GTF2IRD1: variants seen among roughly 807,000 people sequenced by gnomAD.
The protein encoded by GTF2IRD1 is GTF2I repeat domain containing 1.
A neutral mutation model predicts 113.2 loss-of-function variants in GTF2IRD1; 26 were observed. The ratio of observed to expected loss-of-function variants is 0.23; its 90% CI spans 0.17 to 0.32. The LOEUF (loss-of-function observed/expected upper bound fraction) is 0.32. Ranked by LOEUF, GTF2IRD1 falls within the 10% of genes least tolerant of loss-of-function variation. The pLI is 1.00. For synonymous variants in GTF2IRD1, 484 were observed against 529.1 expected (o/e 0.91, Z 1.17); for missense variants, 864 against 1,280.8 (o/e 0.67, Z 4.97).
intron 14 of GTF2IRD1, among the ~76,000 whole-genome samples, chr7:74,544,175 G>A (rs1487708954): frequency 6.6e-6 from 1 of 152,088 alleles, no homozygotes. Flanking sequence ...ATTCTCACCT[G>A]GAAGTTTTTT....
chr7:74,519,761 A>G (rs1797157508), intron 6 of GTF2IRD1, 42 bp downstream of exon 6: 2 of 1,416,532 alleles, frequency 1.4e-6, no homozygotes, highest in Non-Finnish European at 9.6e-7. Context: ...GGGGTGGGAC[A>G]GAGGTCACTC....
intron 1 of GTF2IRD1, among the ~76,000 whole-genome samples, chr7:74,500,589 ATGTG>A (rs72168391): frequency 6.6e-6 from 1 of 150,672 alleles, no homozygotes; most frequent in African/African-American, 2.4e-5. Context: ...TTGTTCGTGT[ATGTG>A]TGTGTGTGTG....
At chr7:74,599,012 G>T (rs1276093215) in intron 25 of GTF2IRD1, among the ~76,000 whole-genome samples, 4 of 152,046 alleles carry the variant, frequency 2.6e-5, no homozygotes, top group Admixed American at 1.3e-4. Context: ...CCCTTCCGGT[G>T]GGCTGAGTGC....
chr7:74,551,669 G>A (rs587724677), intron 17 of GTF2IRD1, among the ~76,000 whole-genome samples: 38 of 152,294 alleles, frequency 2.5e-4, no homozygotes, highest in African/African-American at 9.1e-4. Flanking sequence ...CAGGCGTGGT[G>A]GCTCACACCT....
At chr7:74,538,257 C>T (rs1205702211) in intron 12 of GTF2IRD1, 84 bp downstream of exon 12, 7 of 1,354,718 alleles carry the variant, frequency 5.2e-6, no homozygotes, top group African/African-American at 4.3e-5. Flanking sequence ...GGGAGGAGCT[C>T]AACTCAGCCC....
At chr7:74,587,554 C>G (rs1422775531) in intron 22 of GTF2IRD1, among the ~76,000 whole-genome samples, 4 of 152,258 alleles carry the variant, frequency 2.6e-5, no homozygotes, top group African/African-American at 4.8e-5. Flanking sequence ...AGCTCCACCC[C>G]ACAACATCTC....
rs587765296 is a variant in GTF2IRD1, at chr7:74,584,353, G to A, written c.2321-5498G>A. Among the ~76,000 whole-genome samples the A allele has an allele frequency of 1.6e-4, 24 of 152,248 alleles. No individual in the cohort carries two copies. In the South Asian group the frequency reaches 3.3e-3, roughly 21 times the overall value. ...CCAGCTACTCTGGAGGCTGAGGCAC[G>A]AGAATCACTCGAACCCGGTAGGCGG... On this transcript the variant is annotated intron_variant, in intron 22 of 26. Coordinates refer to ENST00000424337, the MANE Select transcript of GTF2IRD1 (RefSeq NM_005685.4).
At chr7:74,504,376 C>T (rs1796193261) in intron 1 of GTF2IRD1, among the ~76,000 whole-genome samples, 1 of 152,198 alleles carries the variant, frequency 6.6e-6, no homozygotes, top group Non-Finnish European at 1.5e-5. Flanking sequence ...TGTGACCAAC[C>T]ATCCTAGGTG....
At chr7:74,551,800 G>C (rs1371894937) in intron 17 of GTF2IRD1, among the ~76,000 whole-genome samples, 4 of 152,114 alleles carry the variant, frequency 2.6e-5, no homozygotes, top group African/African-American at 9.7e-5. Context: ...GCCGGGTGTG[G>C]TGGCGTGTGC....
chr7:74,458,286 T>C (rs913017941), intron 1 of GTF2IRD1, among the ~76,000 whole-genome samples: 1 of 151,718 alleles, frequency 6.6e-6, no homozygotes, highest in South Asian at 2.1e-4. Context: ...GGTGGAGTGG[T>C]GGGAAGGATG....
At chr7:74,502,643 C>T (rs1219871689) in intron 1 of GTF2IRD1, among the ~76,000 whole-genome samples, 2 of 152,212 alleles carry the variant, frequency 1.3e-5, no homozygotes, top group East Asian at 1.9e-4. Context: ...CTGATTCAGA[C>T]GTGGCCACGA....
intron 22 of GTF2IRD1, among the ~76,000 whole-genome samples, chr7:74,572,773 C>T (rs895657918): frequency 5.3e-5 from 8 of 152,080 alleles, no homozygotes; most frequent in Admixed American, 1.3e-4. Flanking sequence ...ACAATTCCAG[C>T]GCCAGCCACA....
chr7:74,515,434 C>T lies in GTF2IRD1; in HGVS notation c.266-7C>T. 8 of 1,576,142 alleles carry T rather than the reference C, an allele frequency of 5.1e-6. No homozygotes were observed. The highest frequency in any genetic ancestry group is 6.9e-6 in the Non-Finnish European group (8 of 1,158,914). The stretch of plus-strand genomic sequence containing the variant: ...CACTGTGGCCTCGCGTGCTCTGTGT[C>T]CCACAGGAGGGCCCCCGTGGAAGGA... On this transcript the variant is annotated splice_region_variant and splice_polypyrimidine_tract_variant and intron_variant, in intron 3 of 26. Coordinates refer to ENST00000424337, the MANE Select transcript of GTF2IRD1 (RefSeq NM_005685.4).
chr7:74,536,139 A>G, intron 10 of GTF2IRD1, 28 bp from the exon 11 acceptor site: 2 of 1,459,382 alleles, frequency 1.4e-6, no homozygotes, highest in South Asian at 2.3e-5. Flanking sequence ...GAGGGCCTTC[A>G]CCCTGACCTC....
chr7:74,571,958 G>T (rs1172581621), intron 22 of GTF2IRD1, among the ~76,000 whole-genome samples: 1 of 152,202 alleles, frequency 6.6e-6, no homozygotes, highest in East Asian at 1.9e-4. Flanking sequence ...GAGAAGCTCA[G>T]CTGTGGGTGA....
chr7:74,476,103 G>T (rs1323784674), intron 1 of GTF2IRD1, among the ~76,000 whole-genome samples: 4 of 152,170 alleles, frequency 2.6e-5, no homozygotes, highest in African/African-American at 9.7e-5. Context: ...GGATGGGGGT[G>T]TGGCTATTTT....
At chr7:74,528,943 GTGGATGGATGGATGGA>G (rs782015964) in intron 8 of GTF2IRD1, among the ~76,000 whole-genome samples, 3,874 of 133,936 alleles carry the variant, frequency 0.029, 103 homozygotes, top group East Asian at 0.084. Context: ...GGGTGGATGG[GTGGATGGATGGATGGA>G]TGGATGGATG....
At chr7:74,579,866 G>A (rs1381222788) in intron 22 of GTF2IRD1, among the ~76,000 whole-genome samples, 3 of 152,132 alleles carry the variant, frequency 2.0e-5, no homozygotes, top group Admixed American at 6.6e-5. Context: ...GATTGGACAA[G>A]CCCCTGCTTG....
chr7:74,457,881 T>G (rs1221029848), intron 1 of GTF2IRD1, among the ~76,000 whole-genome samples: 3 of 148,354 alleles, frequency 2.0e-5, no homozygotes, highest in Admixed American at 6.7e-5. Flanking sequence ...GTTTTTGTTT[T>G]TTTTTTTTTT....
Sources: allele counts gnomAD v4.1 joint callset (sites outside exome capture counted in the v4.1 genomes callset), GRCh38; gene constraint gnomAD v4.1.1; transcripts MANE v1.5; gene names NCBI Gene and HGNC (gene_info 2026-07-23, HGNC 2026-07-21).